PAX5: variants seen among roughly 807,000 people sequenced by gnomAD.
PAX5 encodes the protein paired box protein Pax-5.
In PAX5, 9 loss-of-function variants were observed where a neutral mutation model predicts 43.7. The observed-to-expected ratio is 0.21, with a 90% CI of 0.12 to 0.36. The LOEUF is 0.36. Ranked by LOEUF, PAX5 falls within the 10% of genes least tolerant of loss-of-function variation. PAX5 has a pLI of 1.00. For synonymous variants in PAX5, 228 were observed against 214.3 expected (o/e 1.06, Z -0.56); for missense variants, 383 against 532.7 (o/e 0.72, Z 2.77).
intron 5 of PAX5, among the ~76,000 whole-genome samples, chr9:37,002,072 G>A (rs764678856): frequency 4.6e-5 from 7 of 150,628 alleles, no homozygotes; most frequent in Non-Finnish European, 5.9e-5. Context: ...CAACACCCCC[G>A]CACTTCTTCC....
intron 3 of PAX5, among the ~76,000 whole-genome samples, chr9:37,014,026 T>G (rs1839185341): frequency 6.6e-6 from 1 of 152,136 alleles, no homozygotes; most frequent in Non-Finnish European, 1.5e-5. Flanking sequence ...AGGGTGTGAT[T>G]TGGAGAAATG....
At chr9:36,935,533 G>T (rs1831479691) in intron 6 of PAX5, among the ~76,000 whole-genome samples, 1 of 152,218 alleles carries the variant, frequency 6.6e-6, no homozygotes, top group Non-Finnish European at 1.5e-5. Context: ...TTCCCAAGTG[G>T]TGGTGGGTAC....
intron 1 of PAX5, among the ~76,000 whole-genome samples, chr9:37,031,240 G>T (rs1036873727): frequency 6.6e-6 from 1 of 152,202 alleles, no homozygotes; most frequent in Non-Finnish European, 1.5e-5. Flanking sequence ...GGCCAGGGGC[G>T]CTGGGACTAC....
intron 5 of PAX5, among the ~76,000 whole-genome samples, chr9:36,988,037 G>A (rs1836592287): frequency 6.6e-6 from 1 of 152,216 alleles, no homozygotes; most frequent in African/African-American, 2.4e-5. Flanking sequence ...GAAGAAGGAG[G>A]GAGGGGGAGC....
At chr9:36,963,491 C>T (rs936740247) in intron 6 of PAX5, among the ~76,000 whole-genome samples, 1 of 152,204 alleles carries the variant, frequency 6.6e-6, no homozygotes, top group Non-Finnish European at 1.5e-5. Context: ...CTCTCTTGTC[C>T]TGCGGGCTCT....
intron 6 of PAX5, among the ~76,000 whole-genome samples, chr9:36,961,703 T>G (rs1833990393): frequency 6.6e-6 from 1 of 152,226 alleles, no homozygotes; most frequent in African/African-American, 2.4e-5. Flanking sequence ...GTAGCCTTCC[T>G]GTGGCCGCCG....
intron 7 of PAX5, among the ~76,000 whole-genome samples, chr9:36,886,623 A>G (rs758669483): frequency 2.6e-5 from 4 of 152,208 alleles, no homozygotes; most frequent in Non-Finnish European, 5.9e-5. Context: ...CTGGGATGGG[A>G]AACCAGATTT....
At position 36,838,768 on chromosome 9, in the gene PAX5, G is replaced by A. The variant is rs1821821707; in HGVS notation, c.*1792C>T. On this transcript the variant is annotated 3_prime_UTR_variant, in exon 10 of 10. Coordinates refer to ENST00000358127, the MANE Select transcript of PAX5 (RefSeq NM_016734.3). ...CAGCCCCGGCTCCCTGGAGAGAGGAGGGGAAGGAAAGAGCTGTGGGGTGGC... is the reference window on the plus strand; with the variant it reads ...CAGCCCCGGCTCCCTGGAGAGAGGAAGGGAAGGAAAGAGCTGTGGGGTGGC... The A allele has an allele frequency of 8.6e-6, 2 of 233,368 alleles. No individual in the cohort carries two copies. Among genetic ancestry groups the A allele is most frequent in the East Asian group, 1.2e-4 (2 of 16,582 alleles). The allele number at this position is 233,368 out of a possible 1,614,324, so 14.5% of individuals were successfully genotyped here.
chr9:37,001,829 T>C (rs1005106053), intron 5 of PAX5, among the ~76,000 whole-genome samples: 5 of 128,450 alleles, frequency 3.9e-5, no homozygotes, highest in South Asian at 2.6e-4. Flanking sequence ...TTTTTTTTTT[T>C]TTTTTCTTTT....
chr9:36,998,314 C>T (rs6476605), intron 5 of PAX5, among the ~76,000 whole-genome samples: 53,266 of 152,068 alleles, frequency 0.35, 9,647 homozygotes, highest in South Asian at 0.5. Flanking sequence ...AAGGGCCCTT[C>T]GCCAATCCAC....
chr9:36,935,236 C>T (rs1170784654), intron 6 of PAX5, among the ~76,000 whole-genome samples: 5 of 152,186 alleles, frequency 3.3e-5, no homozygotes, highest in Admixed American at 6.5e-5. Context: ...CAAAATTAGC[C>T]GGGCATGGTG....
intron 5 of PAX5, among the ~76,000 whole-genome samples, chr9:37,002,069 C>A (rs529006014): frequency 6.6e-6 from 1 of 152,020 alleles, no homozygotes; most frequent in South Asian, 2.1e-4. Flanking sequence ...CCCCAACACC[C>A]CCGCACTTCT....
At chr9:36,974,443 A>G (rs1295459841) in intron 5 of PAX5, among the ~76,000 whole-genome samples, 1 of 152,174 alleles carries the variant, frequency 6.6e-6, no homozygotes. Flanking sequence ...GAACATCTCT[A>G]TGAAGTATGT....
At chr9:36,898,073 C>A (rs945168157) in intron 7 of PAX5, among the ~76,000 whole-genome samples, 2 of 152,260 alleles carry the variant, frequency 1.3e-5, no homozygotes, top group African/African-American at 4.8e-5. Flanking sequence ...CCTTGCTCTG[C>A]CTCCCATGGT....
At chr9:36,977,304 AT>A (rs1362290298) in intron 5 of PAX5, among the ~76,000 whole-genome samples, 1 of 49,872 alleles carries the variant, frequency 2.0e-5, no homozygotes, top group Non-Finnish European at 3.9e-5. Flanking sequence ...AGATCTAAAG[AT>A]TGGGGGGGTG....
chr9:37,019,263 C>T (rs1839657458), intron 2 of PAX5, among the ~76,000 whole-genome samples: 1 of 152,062 alleles, frequency 6.6e-6, no homozygotes, highest in Non-Finnish European at 1.5e-5. Context: ...CTTTTCTTCT[C>T]TCGCTCCCAT....
intron 5 of PAX5, among the ~76,000 whole-genome samples, chr9:37,001,297 G>T (rs1171534999): frequency 6.6e-6 from 1 of 152,172 alleles, no homozygotes; most frequent in Non-Finnish European, 1.5e-5. Context: ...CTCAGCCTCT[G>T]GGGGAGTCTC....
chr9:36,997,889 T>C (rs534673064), intron 5 of PAX5, among the ~76,000 whole-genome samples: 1 of 152,256 alleles, frequency 6.6e-6, no homozygotes, highest in East Asian at 1.9e-4. Flanking sequence ...GAAAGACAAG[T>C]GGGTAGATGC....
At chr9:36,992,043 T>C (rs1836987225) in intron 5 of PAX5, among the ~76,000 whole-genome samples, 1 of 152,198 alleles carries the variant, frequency 6.6e-6, no homozygotes, top group Admixed American at 6.5e-5. Context: ...AACACAAATG[T>C]TAATTTGTAC....
Sources: allele counts gnomAD v4.1 joint callset (sites outside exome capture counted in the v4.1 genomes callset), GRCh38; gene constraint gnomAD v4.1.1; transcripts MANE v1.5; gene names NCBI Gene and HGNC (gene_info 2026-07-23, HGNC 2026-07-21).